SUGCT: variants seen among roughly 807,000 people sequenced by gnomAD.
The protein encoded by SUGCT is succinyl-CoA:glutarate CoA-transferase.
SUGCT carries 41 observed loss-of-function variants against 55.0 expected under a neutral mutation model. That is an observed-to-expected ratio of 0.74 (90% CI 0.58 to 0.97). The LOEUF is 0.97. Ranked by LOEUF, SUGCT falls within the 50% of genes least tolerant of loss-of-function variation. The probability of loss-of-function intolerance (pLI) is 0.00; values close to 1 mark genes in which losing one functional copy is unlikely to be tolerated. For missense variants in SUGCT, 568 were observed against 547.8 expected (o/e 1.04, Z -0.37); for synonymous variants, 187 against 200.4 (o/e 0.93, Z 0.56).
At chr7:40,565,782 T>A (rs1296681226) in intron 12 of SUGCT, among the ~76,000 whole-genome samples, 1 of 152,122 alleles carries the variant, frequency 6.6e-6, no homozygotes, top group Non-Finnish European at 1.5e-5. Flanking sequence ...CTAAGCAAGC[T>A]CACACTTTGG....
At chr7:40,488,020 CT>C (rs550811287) in intron 11 of SUGCT, among the ~76,000 whole-genome samples, 2,827 of 144,064 alleles carry the variant, frequency 0.02, 81 homozygotes, top group African/African-American at 0.066. Context: ...CTACTCTGCT[CT>C]TTTTTTTTTT....
intron 11 of SUGCT, among the ~76,000 whole-genome samples, chr7:40,483,331 A>G (rs1791157460): frequency 6.6e-6 from 1 of 152,114 alleles, no homozygotes; most frequent in African/African-American, 2.4e-5. Context: ...CTTCTTCTCT[A>G]GTGTCTTCTG....
At position 40,832,562 on chromosome 7, in the gene SUGCT, GT is replaced by G. The variant is rs66508711; in HGVS notation, c.1154-27742del. ...TTTTTTGTTTTCCAGGGTTTTTTTT[GT>G]TTTTTTTTTTTCCCGGATGTGAGCA... On this transcript the variant is annotated intron_variant, in intron 13 of 13. Coordinates refer to ENST00000335693, the MANE Select transcript of SUGCT (RefSeq NM_001193313.2). Among the ~76,000 whole-genome samples the G allele has an allele frequency of 2.4e-4, 34 of 139,732 alleles. 1 individual carries two copies. The South Asian group carries it at 2.7e-3, about 11-fold the overall frequency. 91.7% of individuals were successfully genotyped at this position (139,732 alleles called of 152,430 possible).
intron 9 of SUGCT, among the ~76,000 whole-genome samples, chr7:40,425,027 A>T (rs1787515561): frequency 6.6e-6 from 1 of 152,164 alleles, no homozygotes; most frequent in Admixed American, 6.6e-5. Flanking sequence ...ACCCAACAAC[A>T]TAAAGAAAAA....
intron 9 of SUGCT, among the ~76,000 whole-genome samples, chr7:40,414,611 A>T (rs1786867836): frequency 6.6e-6 from 1 of 152,090 alleles, no homozygotes; most frequent in Non-Finnish European, 1.5e-5. Context: ...ATTAAAAAAA[A>T]ATTCGGCCAT....
chr7:40,744,693 A>G (rs1787641703), intron 12 of SUGCT, among the ~76,000 whole-genome samples: 2 of 152,234 alleles, frequency 1.3e-5, no homozygotes, highest in South Asian at 4.1e-4. Flanking sequence ...TAATGAGAGG[A>G]TTAAATGAAT....
chr7:41,011,387 C>G, the SUGCT span, among the ~76,000 whole-genome samples: 2 of 152,206 alleles, frequency 1.3e-5, no homozygotes. Context: ...AAGGTGGACA[C>G]AGATGCTGCT....
intron 12 of SUGCT, among the ~76,000 whole-genome samples, chr7:40,572,014 C>A (rs1796478663): frequency 1.3e-5 from 2 of 152,268 alleles, no homozygotes; most frequent in Admixed American, 6.5e-5. Flanking sequence ...TCACTAATTG[C>A]AGGGATGGAC....
Position 40,829,379 on chromosome 7 carries a change from G to T in SUGCT, c.1154-30937G>T, listed in dbSNP as rs571918285. 1.8e-4 allele frequency among the ~76,000 whole-genome samples: 28 copies of T among 152,180 alleles called. 1 individual carries two copies. In the South Asian group the frequency reaches 4.4e-3, roughly 24 times the overall value. Reference sequence around the variant, plus strand: ...TCTAATAAACTTGCCTTCTTTCATTGCCAGCTCATTCTTCAGTTCTTTCCT... The same window carrying T: ...TCTAATAAACTTGCCTTCTTTCATTTCCAGCTCATTCTTCAGTTCTTTCCT... On this transcript the variant is annotated intron_variant, in intron 13 of 13. Coordinates refer to ENST00000335693, the MANE Select transcript of SUGCT (RefSeq NM_001193313.2).
intron 6 of SUGCT, among the ~76,000 whole-genome samples, chr7:40,202,253 G>A (rs941970048): frequency 2.0e-5 from 3 of 152,108 alleles, no homozygotes; most frequent in Non-Finnish European, 4.4e-5. Context: ...GATTATAGAC[G>A]TGAGCCACCA....
the SUGCT span, among the ~76,000 whole-genome samples, chr7:40,931,199 G>A: frequency 3.9e-5 from 6 of 152,118 alleles, 1 homozygote; most frequent in Admixed American, 1.3e-4. Flanking sequence ...ATTATCATTG[G>A]TTCTGTTTAT....
chr7:40,460,099 A>G (rs548696736), intron 11 of SUGCT, among the ~76,000 whole-genome samples: 1 of 152,344 alleles, frequency 6.6e-6, no homozygotes, highest in South Asian at 2.1e-4. Context: ...CATCAAAGTT[A>G]TAAGAACTAA....
At chr7:40,760,455 G>A (rs1030111200) in intron 13 of SUGCT, among the ~76,000 whole-genome samples, 3 of 152,120 alleles carry the variant, frequency 2.0e-5, no homozygotes, top group Non-Finnish European at 4.4e-5. Flanking sequence ...GGTATGGCCA[G>A]TTAGTGTTTA....
chr7:40,230,492 A>T (rs1362445127), intron 6 of SUGCT, among the ~76,000 whole-genome samples: 1 of 152,232 alleles, frequency 6.6e-6, no homozygotes, highest in Non-Finnish European at 1.5e-5. Flanking sequence ...CATGAAGAAT[A>T]AACTGAGACA....
the SUGCT span, among the ~76,000 whole-genome samples, chr7:41,015,293 A>AAT: frequency 6.6e-6 from 1 of 152,120 alleles, no homozygotes; most frequent in Non-Finnish European, 1.5e-5. Context: ...TGATGATGAT[A>AAT]ATATATATAT....
the SUGCT span, among the ~76,000 whole-genome samples, chr7:40,953,285 C>A: frequency 3.9e-5 from 6 of 152,182 alleles, no homozygotes; most frequent in Non-Finnish European, 8.8e-5. Context: ...GTTCTCGTGC[C>A]ATGGTTTTCA....
the SUGCT span, among the ~76,000 whole-genome samples, chr7:40,889,677 G>GA: frequency 1.2e-4 from 18 of 152,076 alleles, no homozygotes; most frequent in African/African-American, 4.3e-4. Flanking sequence ...TCTTGCCTAA[G>GA]AAACTCCCTT....
In SUGCT at chr7:40,669,657, C is replaced by A. The variant is rs953366095; in HGVS notation, c.1090-79777C>A. Among the ~76,000 whole-genome samples, 4 of 148,562 alleles carry A rather than the reference C, an allele frequency of 2.7e-5. No homozygotes were observed. The South Asian group carries it at 8.5e-4, about 31-fold the overall frequency. On this transcript the variant is annotated intron_variant, in intron 12 of 13. Transcript: ENST00000335693. ...AAAAAACCACCCCAAAACAAAAAAA[C>A]CCTCAACTTAATGGTGGATTTAACA...
chr7:40,829,922 A>G (rs1030920476), intron 13 of SUGCT, among the ~76,000 whole-genome samples: 8 of 152,128 alleles, frequency 5.3e-5, no homozygotes, highest in African/African-American at 1.7e-4. Context: ...TCCAAAATAG[A>G]ATGCTGACTT....
Sources: allele counts gnomAD v4.1 joint callset (sites outside exome capture counted in the v4.1 genomes callset), GRCh38; gene constraint gnomAD v4.1.1; transcripts MANE v1.5; gene names NCBI Gene and HGNC (gene_info 2026-07-23, HGNC 2026-07-21).